GRHL2: variants seen among roughly 807,000 people sequenced by gnomAD.
GRHL2 encodes the protein grainyhead like transcription factor 2.
A neutral mutation model predicts 83.8 loss-of-function variants in GRHL2; 21 were observed. The observed-to-expected ratio is 0.25, with a 90% CI of 0.18 to 0.36. The LOEUF (loss-of-function observed/expected upper bound fraction) is 0.36, where lower values mean the gene tolerates loss of function less well. Among genes scored for constraint, GRHL2 ranks in the 10% least tolerant of loss-of-function variants. The probability of loss-of-function intolerance (pLI) is 1.00; values close to 1 mark genes in which losing one functional copy is unlikely to be tolerated. For synonymous variants in GRHL2, 280 were observed against 278.9 expected (o/e 1.00, Z -0.04); for missense variants, 623 against 781.8 (o/e 0.80, Z 2.42).
intron 2 of GRHL2, among the ~76,000 whole-genome samples, chr8:101,544,640 G>C (rs1334087894): frequency 6.6e-6 from 1 of 152,180 alleles, no homozygotes; most frequent in African/African-American, 2.4e-5. Flanking sequence ...GAGGATGGCT[G>C]TGTTTATTTT....
chr8:101,633,320 T>C (rs1336249398), intron 11 of GRHL2, among the ~76,000 whole-genome samples: 1 of 152,246 alleles, frequency 6.6e-6, no homozygotes, highest in Non-Finnish European at 1.5e-5. Flanking sequence ...ATTAGTTTTC[T>C]TTTAAACCCA....
intron 1 of GRHL2, among the ~76,000 whole-genome samples, chr8:101,509,228 TGTGTGTG>T (rs1419822602): frequency 7.2e-6 from 1 of 138,670 alleles, no homozygotes; most frequent in African/African-American, 2.6e-5. Flanking sequence ...TGTGTGTGTG[TGTGTGTG>T]TGTGTGTGTG....
chr8:101,636,124 C>T (rs570849343), intron 11 of GRHL2, among the ~76,000 whole-genome samples: 3 of 152,214 alleles, frequency 2.0e-5, no homozygotes, highest in Non-Finnish European at 4.4e-5. Flanking sequence ...TTAGTGTTTA[C>T]AGATAATTGG....
At chr8:101,598,401 G>A (rs1034294976) in intron 7 of GRHL2, among the ~76,000 whole-genome samples, 21 of 151,766 alleles carry the variant, frequency 1.4e-4, no homozygotes, top group African/African-American at 3.1e-4. Context: ...CACCATGCCC[G>A]GCTAATTTTT....
downstream of GRHL2, among the ~76,000 whole-genome samples, chr8:101,674,302 G>T (rs1290889482): frequency 1.3e-5 from 2 of 152,152 alleles, no homozygotes; most frequent in South Asian, 4.1e-4. Context: ...AATATCGATA[G>T]ACCGCTAGCA....
In GRHL2 at chr8:101,528,960, G is replaced by A. The variant is rs149576356; in HGVS notation, c.21-14281G>A. 1.0e-3 allele frequency: 315 copies of A among 310,982 alleles called. 1 individual carries two copies. Among genetic ancestry groups the A allele is most frequent in the African/African-American group, 6.0e-3 (267 of 44,486 alleles). 19.3% of individuals were successfully genotyped at this position (310,982 alleles called of 1,614,324 possible). The stretch of plus-strand genomic sequence containing the variant: ...CAGTTTTCTTACTTTACAAGCTCAC[G>A]GGTACATGGACTTGTTCAGCCCTCT... On this transcript the variant is annotated intron_variant, in intron 1 of 15. Coordinates refer to ENST00000646743, the MANE Select transcript of GRHL2 (RefSeq NM_024915.4).
intron 9 of GRHL2, among the ~76,000 whole-genome samples, chr8:101,629,960 A>G (rs1813154480): frequency 6.6e-6 from 1 of 152,144 alleles, no homozygotes; most frequent in Non-Finnish European, 1.5e-5. Context: ...AGTGTCAATG[A>G]CAATTCAAAA....
chr8:101,563,525 T>C (rs1458306025), intron 4 of GRHL2, among the ~76,000 whole-genome samples: 1 of 152,162 alleles, frequency 6.6e-6, no homozygotes, highest in African/African-American at 2.4e-5. Context: ...TGCTGTATTC[T>C]GTGGAATCAG....
chr8:101,496,059 A>C (rs1810096003), intron 1 of GRHL2, among the ~76,000 whole-genome samples: 1 of 150,774 alleles, frequency 6.6e-6, no homozygotes, highest in Non-Finnish European at 1.5e-5. Flanking sequence ...GAGGCAGGAG[A>C]ATCCCTTGAA....
At chr8:101,662,480 C>T (rs1254157521) in intron 14 of GRHL2, among the ~76,000 whole-genome samples, 1 of 152,174 alleles carries the variant, frequency 6.6e-6, no homozygotes, top group Non-Finnish European at 1.5e-5. Context: ...TTCTTAGGAT[C>T]CAAAGCTCCT....
intron 9 of GRHL2, among the ~76,000 whole-genome samples, chr8:101,623,502 C>A (rs1475520311): frequency 7.0e-6 from 1 of 143,376 alleles, no homozygotes; most frequent in Non-Finnish European, 1.5e-5. Context: ...GTTCACAGTA[C>A]ACAGTAGGAC....
At chr8:101,547,847 G>A (rs1811296983) in intron 2 of GRHL2, among the ~76,000 whole-genome samples, 1 of 152,158 alleles carries the variant, frequency 6.6e-6, no homozygotes. Flanking sequence ...TAAAATTCTA[G>A]CCCAGTTCTC....
At chr8:101,671,616 CACAG>C (rs1168999391), downstream of GRHL2, among the ~76,000 whole-genome samples, 3 of 152,310 alleles carry the variant, frequency 2.0e-5, no homozygotes, top group African/African-American at 4.8e-5. Flanking sequence ...GGGGGCAGGG[CACAG>C]ACAAACAAAA....
chr8:101,541,656 C>G (rs1451793169), intron 1 of GRHL2, among the ~76,000 whole-genome samples: 1 of 152,008 alleles, frequency 6.6e-6, no homozygotes, highest in Non-Finnish European at 1.5e-5. Flanking sequence ...TCTCATTGTT[C>G]CATGTTGGTT....
intron 4 of GRHL2, among the ~76,000 whole-genome samples, chr8:101,564,891 A>G (rs1811685510): frequency 6.6e-6 from 1 of 151,496 alleles, no homozygotes; most frequent in African/African-American, 2.4e-5. Context: ...TCCTCTTTGT[A>G]ATAACATTTG....
chr8:101,506,170 G>A (rs1048734966), intron 1 of GRHL2, among the ~76,000 whole-genome samples: 10 of 152,176 alleles, frequency 6.6e-5, no homozygotes, highest in Non-Finnish European at 1.5e-5. Flanking sequence ...AGCTTTCAAT[G>A]CTATTGCCCA....
At chr8:101,630,968 T>G (rs1453991377) in intron 9 of GRHL2, among the ~76,000 whole-genome samples, 2 of 152,010 alleles carry the variant, frequency 1.3e-5, no homozygotes, top group East Asian at 3.8e-4. Context: ...TGGCAAGAGG[T>G]GCCCATGAAA....
chr8:101,599,510 C>T (rs1015648705), intron 8 of GRHL2, among the ~76,000 whole-genome samples: 1 of 152,206 alleles, frequency 6.6e-6, no homozygotes, highest in Non-Finnish European at 1.5e-5. Context: ...CTGATGTCTT[C>T]GTAGGTAAGC....
intron 14 of GRHL2, among the ~76,000 whole-genome samples, chr8:101,659,712 G>A (rs1389500147): frequency 3.3e-5 from 5 of 152,190 alleles, no homozygotes; most frequent in African/African-American, 1.2e-4. Flanking sequence ...CAGATGCCAG[G>A]CATGGGAGGA....
Sources: gnomAD v4.1 joint callset for allele counts (sites outside exome capture counted in the v4.1 genomes callset) on GRCh38, gnomAD v4.1.1 for gene constraint, MANE v1.5 for transcripts, NCBI Gene and HGNC (gene_info 2026-07-23, HGNC 2026-07-21) for gene names.